The following BTN3A2 variants were observed in gnomAD, a reference collection of about 807,000 sequenced individuals.
The protein encoded by BTN3A2 is butyrophilin subfamily 3 member A2.
A neutral mutation model predicts 37.6 loss-of-function variants in BTN3A2; 25 were observed. The ratio of observed to expected loss-of-function variants is 0.66; its 90% confidence interval spans 0.48 to 0.93. BTN3A2 has a LOEUF of 0.93. Among genes scored for constraint, BTN3A2 ranks in the 40% least tolerant of loss-of-function variants. BTN3A2 has a pLI of 0.00. For missense variants in BTN3A2, 266 were observed against 410.9 expected, an observed-to-expected ratio of 0.65 and a Z score of 3.05; for synonymous variants, 122 against 159.4, an observed-to-expected ratio of 0.77 and a Z score of 1.77.
In BTN3A2 at chr6:26,376,808, G is replaced by A. The variant is rs1195386187; in HGVS notation, c.*1046G>A. 6.8e-6 allele frequency: 11 copies of A among 1,613,684 alleles called. No homozygotes were observed. In the Admixed American group the frequency reaches 1.8e-4, roughly 27 times the overall value. On this transcript the variant is annotated 3_prime_UTR_variant, in exon 11 of 11. Transcript: ENST00000377708. ...GGGTATGTAGTAAGAACGTGGAGAGGAAAAAAGTTTGGGTCAAAATGACAC... is the reference window on the plus strand; with the variant it reads ...GGGTATGTAGTAAGAACGTGGAGAGAAAAAAAGTTTGGGTCAAAATGACAC...
chr6:26,374,695 T>A, intron 9 of BTN3A2, 76 bp from the exon 10 acceptor site: 1 of 1,397,664 alleles, frequency 7.2e-7, no homozygotes, highest in Non-Finnish European at 1.0e-6. Context: ...AGAGAAAACA[T>A]GTAGTGAGAG....
At position 26,375,850 on chromosome 6, in the gene BTN3A2, GA is replaced by G. The variant is rs962058825; in HGVS notation, c.*93del. Reference sequence around the variant, plus strand: ...CCTTGTTAAATAAATTGGATGTATGGAAAAATAGACTGCAGAAAAGGGGAAC... The same window carrying G: ...CCTTGTTAAATAAATTGGATGTATGGAAAATAGACTGCAGAAAAGGGGAAC... On this transcript the variant is annotated 3_prime_UTR_variant, in exon 11 of 11. Transcript: ENST00000377708. 2 of 1,548,638 alleles carry G rather than the reference GA, an allele frequency of 1.3e-6. No homozygotes were observed. The highest frequency in any genetic ancestry group is 1.4e-5 in the African/African-American group (1 of 72,914).
intron 8 of BTN3A2, 86 bp from the exon 9 acceptor site, chr6:26,374,234 AAAAAAAG>A: frequency 1.2e-5 from 6 of 492,008 alleles, no homozygotes; most frequent in Middle Eastern, 6.1e-4. Flanking sequence ...AAAAAAAAAA[AAAAAAAG>A]ACTAGATGGA....
At position 26,372,898 on chromosome 6, in the gene BTN3A2, C is replaced by A. The variant is rs777332474; in HGVS notation, c.717C>A (p.Asp239Glu). ...GACCTACAGCTCTCCCCTTCGCAGA[C>A]CCCTTCTTCAGGAGCGCCCAGCCCT... ...LEKTASISIA[D>E]PFFRSAQPWI... Residue 239 changes from aspartate to glutamate, a missense_variant and splice_region_variant, in exon 6 of 11, where the codon GAC becomes GAA. Physicochemically the swap from Asp to Glu is conservative, Grantham distance 45. This residue lies in a region of BTN3A2 where 204 missense variants were observed against 232.6 expected (regional missense o/e 0.88). Transcript: ENST00000377708. 2 of 1,613,310 alleles carry A rather than the reference C, an allele frequency of 1.2e-6. No individual in the cohort carries two copies. Among genetic ancestry groups the A allele is most frequent in the Non-Finnish European group, 1.7e-6 (2 of 1,180,018 alleles).
chr6:26,373,450 G>A (rs9393713), intron 8 of BTN3A2, 37 bp downstream of exon 8: 171,933 of 1,590,080 alleles, frequency 0.11, 10,453 homozygotes, highest in Non-Finnish European at 0.12. Context: ...ATTCAAATCT[G>A]TTACTCTCTC....
At chr6:26,369,123 A>G (rs1759837086) in intron 4 of BTN3A2, among the ~76,000 whole-genome samples, 1 of 152,062 alleles carries the variant, frequency 6.6e-6, no homozygotes, top group Non-Finnish European at 1.5e-5. Flanking sequence ...TCAAGTAAAG[A>G]ACTCCTTTCC....
intron 8 of BTN3A2, 175 bp downstream of exon 8, chr6:26,373,588 G>T (rs1398299869): frequency 2.7e-3 from 379 of 140,932 alleles, no homozygotes; most frequent in East Asian, 9.9e-3. Flanking sequence ...TTTCTCTCTA[G>T]AAAAAAAAAA....
chr6:26,372,009 A>G lies in BTN3A2; in HGVS notation c.716-888A>G, dbSNP rs552436971. Among the ~76,000 whole-genome samples, 17 of 152,294 alleles carry G rather than the reference A, an allele frequency of 1.1e-4. No individual in the cohort carries two copies. In the South Asian group the frequency reaches 3.3e-3, roughly 30 times the overall value. ...AAGGTTTCTTATAGCACTGATTACT[A>G]TTGCACAAGGTTAGAAACTGTGCAG... is the stretch of plus-strand genomic sequence containing the variant. On this transcript the variant is annotated intron_variant, in intron 5 of 10. Transcript: ENST00000377708.
intron 8 of BTN3A2, 164 bp from the exon 9 acceptor site, chr6:26,374,163 G>C: frequency 2.0e-6 from 1 of 505,702 alleles, no homozygotes; most frequent in Non-Finnish European, 3.3e-6. Context: ...AGAAAGAATT[G>C]TACCTGAAGA....
chr6:26,373,089 G>C lies in BTN3A2; in HGVS notation c.908G>C (p.Ser303Thr). The C allele has an allele frequency of 6.2e-7, 1 of 1,613,798 alleles. No individual in the cohort carries two copies. The highest frequency in any genetic ancestry group is 8.5e-7 in the Non-Finnish European group (1 of 1,180,042). ...TATGCTGCAACAGAGCGGGAAATAA[G>C]CCTAAGAGGTATCCAACGCAAGCAG... is the stretch of plus-strand genomic sequence containing the variant. Reference protein sequence around the residue: ...MGYAATEREISLRESLQEELK... With the variant: ...MGYAATEREITLRESLQEELK... The change falls in exon 6 of 11, where the codon AGC becomes ACC. Residue 303 changes from serine (S) to threonine (T), a missense_variant. By Grantham distance (58) the Ser-to-Thr change is moderately conservative. Transcript: ENST00000377708.
Position 26,375,971 on chromosome 6 carries a change from C to T in BTN3A2, c.*209C>T, listed in dbSNP as rs1302658946. ...CCTGTAATCCTAGCACTTTGGAAGGCTGAGGAGGGCGGATCACAAGGTCAG... is the reference window on the plus strand; with the variant it reads ...CCTGTAATCCTAGCACTTTGGAAGGTTGAGGAGGGCGGATCACAAGGTCAG... On this transcript the variant is annotated 3_prime_UTR_variant, in exon 11 of 11. Coordinates refer to ENST00000377708, the MANE Select transcript of BTN3A2 (RefSeq NM_007047.5). The T allele has an allele frequency of 1.9e-6, 2 of 1,052,422 alleles. No homozygotes were observed. Among genetic ancestry groups the T allele is most frequent in the African/African-American group, 1.6e-5 (1 of 62,122 alleles). 65.2% of individuals were successfully genotyped at this position (1,052,422 alleles called of 1,614,324 possible).
chr6:26,377,176 A>G lies in BTN3A2; in HGVS notation c.*1414A>G. 8.0e-7 allele frequency: 1 copy of G among 1,252,550 alleles called. No individual in the cohort carries two copies. Among genetic ancestry groups the G allele is most frequent in the Middle Eastern group, 1.9e-4 (1 of 5,244 alleles). 77.6% of individuals were successfully genotyped at this position (1,252,550 alleles called of 1,614,324 possible). On this transcript the variant is annotated 3_prime_UTR_variant, in exon 11 of 11. Coordinates refer to ENST00000377708, the MANE Select transcript of BTN3A2 (RefSeq NM_007047.5). ...ATACCACTGACCCCAGGCTTAGCTA[A>G]TGAAAGTGGGGAGCCTCAGGCTGAA...
rs1188920267 is a variant in BTN3A2 at position 26,365,326 on chromosome 6, C to G, written c.-93C>G. 1 of 1,535,734 alleles carries G rather than the reference C, an allele frequency of 6.5e-7. No homozygotes were observed. Among genetic ancestry groups the G allele is most frequent in the Non-Finnish European group, 8.7e-7 (1 of 1,146,714 alleles). ...ATTGACCGTCTTTATTCTGTGGGCT[C>G]TGATTCTCCAATGGGAATACCAAGG... On this transcript the variant is annotated 5_prime_UTR_variant, in exon 1 of 11. Coordinates refer to ENST00000377708, the MANE Select transcript of BTN3A2 (RefSeq NM_007047.5).
At position 26,376,634 on chromosome 6, in the gene BTN3A2, G is replaced by A; in HGVS notation, c.*872G>A. On this transcript the variant is annotated 3_prime_UTR_variant, in exon 11 of 11. Transcript: ENST00000377708. ...TCCTCCTTGTTTCTGAGGACCAGAGGAGTGTACAGCGTGCTGAGGAGCCCC... is the reference window on the plus strand; with the variant it reads ...TCCTCCTTGTTTCTGAGGACCAGAGAAGTGTACAGCGTGCTGAGGAGCCCC... 1.4e-6 allele frequency: 2 copies of A among 1,468,314 alleles called. No homozygotes were observed. Among genetic ancestry groups the A allele is most frequent in the Admixed American group, 3.4e-5 (2 of 58,964 alleles). The allele number at this position is 1,468,314 out of a possible 1,614,324, so 91.0% of individuals were successfully genotyped here. A position where few individuals can be genotyped will look rare whatever the true frequency, so the allele number is the denominator to read the frequency against.
Position 26,375,008 on chromosome 6 carries a change from G to GAGGA in BTN3A2, c.*34+211_*34+214dup, listed in dbSNP as rs535632350. 314 of 463,668 alleles carry GAGGA rather than the reference G, an allele frequency of 6.8e-4. 1 individual carries two copies. Among genetic ancestry groups the GAGGA allele is most frequent in the African/African-American group, 5.8e-3 (291 of 50,094 alleles). 28.7% of individuals were successfully genotyped at this position (463,668 alleles called of 1,614,324 possible). On this transcript the variant is annotated intron_variant, in intron 10 of 10. Transcript: ENST00000377708. ...AGAGTGAGGATGGAAATGCCAAGGA[G>GAGGA]AGGAGGTGATGCCTGCCCAAAGAAC...
At position 26,376,964 on chromosome 6, in the gene BTN3A2, A is replaced by G; in HGVS notation, c.*1202A>G. The G allele has an allele frequency of 6.3e-7, 1 of 1,582,026 alleles. No homozygotes were observed. Among genetic ancestry groups the G allele is most frequent in the Non-Finnish European group, 8.7e-7 (1 of 1,151,572 alleles). On this transcript the variant is annotated 3_prime_UTR_variant, in exon 11 of 11. Transcript: ENST00000377708. ...GGGTCATCCTGGACTATGAGACTGG[A>G]CATATCTCGTTCTACAATGCCACGG...
In BTN3A2 at chr6:26,375,887, C is replaced by A; in HGVS notation, c.*125C>A. On this transcript the variant is annotated 3_prime_UTR_variant, in exon 11 of 11. Coordinates refer to ENST00000377708, the MANE Select transcript of BTN3A2 (RefSeq NM_007047.5). ...GCAGAAAAGGGGAACTCATTTAGCTCACGAGTGGTCGAGTGAAGATTGAAA... is the reference window on the plus strand; with the variant it reads ...GCAGAAAAGGGGAACTCATTTAGCTAACGAGTGGTCGAGTGAAGATTGAAA... 3 of 1,536,576 alleles carry A rather than the reference C, an allele frequency of 2.0e-6. No homozygotes were observed. In the African/African-American group the frequency reaches 4.1e-5, roughly 21 times the overall value.
chr6:26,376,696 G>A lies in BTN3A2; in HGVS notation c.*934G>A, dbSNP rs953802096. The A allele has an allele frequency of 2.3e-5, 35 of 1,552,432 alleles. 1 individual carries two copies. Among genetic ancestry groups the A allele is most frequent in the Middle Eastern group, 3.4e-4 (2 of 5,952 alleles). ...GACAACCCTGAGAGATTTGAATGGC[G>A]TTACTGTGTGCTTGGCTGTGAAAGC... On this transcript the variant is annotated 3_prime_UTR_variant, in exon 11 of 11. Transcript: ENST00000377708.
At position 26,376,704 on chromosome 6, in the gene BTN3A2, G is replaced by A; in HGVS notation, c.*942G>A. 6.4e-7 allele frequency: 1 copy of A among 1,562,610 alleles called. No homozygotes were observed. The highest frequency in any genetic ancestry group is 8.8e-7 in the Non-Finnish European group (1 of 1,134,038). Reference sequence around the variant, plus strand: ...TGAGAGATTTGAATGGCGTTACTGTGTGCTTGGCTGTGAAAGCTTCATGTC... The same window carrying A: ...TGAGAGATTTGAATGGCGTTACTGTATGCTTGGCTGTGAAAGCTTCATGTC... On this transcript the variant is annotated 3_prime_UTR_variant, in exon 11 of 11. Coordinates refer to ENST00000377708, the MANE Select transcript of BTN3A2 (RefSeq NM_007047.5).
Sources: gnomAD v4.1 joint callset for allele counts (sites outside exome capture counted in the v4.1 genomes callset) on GRCh38, gnomAD v4.1.1 for gene constraint, gnomAD v4.1.1 regional missense constraint, MANE v1.5 for transcripts, NCBI Gene and HGNC (gene_info 2026-07-23, HGNC 2026-07-21) for gene names.